Variants in LARGE1 observed in about 807,000 individuals in gnomAD.
The protein encoded by LARGE1 is xylosyl- and glucuronyltransferase LARGE1.
A neutral mutation model predicts 87.6 loss-of-function variants in LARGE1; 43 were observed. That is an observed-to-expected ratio of 0.49 (90% CI 0.38 to 0.63). The LOEUF (loss-of-function observed/expected upper bound fraction) is 0.63, where lower values mean the gene tolerates loss of function less well. Among genes scored for constraint, LARGE1 ranks in the 30% least tolerant of loss-of-function variants. The pLI is 0.00. For synonymous variants in LARGE1, 434 were observed against 394.6 expected (o/e 1.10, Z -1.18); for missense variants, 802 against 1,000.2 (o/e 0.80, Z 2.67).
intron 1 of LARGE1, among the ~76,000 whole-genome samples, chr22:33,832,780 T>A (rs1318139896): frequency 6.6e-6 from 1 of 152,230 alleles, no homozygotes; most frequent in Non-Finnish European, 1.5e-5. Flanking sequence ...CTCTGGCACA[T>A]GCTGTGTGGT....
intron 2 of LARGE1, chr22:33,743,904 G>A (rs2083981544): frequency 6.6e-6 from 1 of 152,196 alleles, no homozygotes; most frequent in South Asian, 2.1e-4. Flanking sequence ...CAAGGCTGTT[G>A]TGGAGATTCA....
chr22:33,286,985 G>A lies in LARGE1; in HGVS notation c.1731-3637C>T, dbSNP rs2267186. Among the ~76,000 whole-genome samples, 538 of 151,490 alleles carry A rather than the reference G, an allele frequency of 3.6e-3. 7 individuals carry two copies. The East Asian group carries it at 0.043, about 12-fold the overall frequency. On this transcript the variant is annotated intron_variant, in intron 12 of 14. Transcript: ENST00000397394. ...TAGGATTAGACACTTGACCCAGGCT[G>A]AGCACATCAGTTTCTTACTCTTGGA... is the stretch of plus-strand genomic sequence containing the variant.
intron 5 of LARGE1, chr22:33,572,182 G>A (rs1303125617): frequency 7.8e-6 from 10 of 1,286,250 alleles, no homozygotes; most frequent in Non-Finnish European, 1.0e-5. Context: ...AAATCACCTT[G>A]ACATATTTTA....
intron 9 of LARGE1, among the ~76,000 whole-genome samples, chr22:33,356,572 C>T (rs1421546612): frequency 1.3e-5 from 2 of 152,000 alleles, no homozygotes; most frequent in Admixed American, 6.6e-5. Context: ...AGGAGTTTGA[C>T]GCCAGCCTGG....
chr22:33,541,563 T>G (rs1024476616), intron 6 of LARGE1, among the ~76,000 whole-genome samples: 3 of 152,160 alleles, frequency 2.0e-5, no homozygotes, highest in Non-Finnish European at 4.4e-5. Context: ...AGTGGATCAG[T>G]CTGGAGAACC....
rs741981 is a variant in LARGE1 at position 33,290,423 on chromosome 22, G to A, written c.1731-7075C>T. Among the ~76,000 whole-genome samples, 158 of 152,240 alleles carry A rather than the reference G, an allele frequency of 1.0e-3. 3 individuals carry two copies. In the South Asian group the frequency reaches 0.027, roughly 26 times the overall value. ...TTAATCTCTTGGTTCTGCAATTTCC[G>A]TATCTGTAACATGGAATATCTATAA... On this transcript the variant is annotated intron_variant, in intron 12 of 14. Transcript: ENST00000397394.
At chr22:33,768,460 A>ACACG (rs2084972769) in intron 1 of LARGE1, among the ~76,000 whole-genome samples, 1 of 151,786 alleles carries the variant, frequency 6.6e-6, no homozygotes, top group South Asian at 2.1e-4. Context: ...ACACACACAC[A>ACACG]CACACAGTCT....
the LARGE1 span, among the ~76,000 whole-genome samples, chr22:33,091,559 C>CAAATAAATAAATAAATAAAT: frequency 4.0e-4 from 56 of 140,584 alleles, no homozygotes; most frequent in African/African-American, 9.2e-4. Flanking sequence ...GACTCCATCT[C>CAAATAAATAAATAAATAAAT]AAATAAATAA....
At position 33,531,000 on chromosome 22, in the gene LARGE1, C is replaced by A. The variant is rs548555560; in HGVS notation, c.787+33848G>T. Among the ~76,000 whole-genome samples the A allele has an allele frequency of 3.3e-5, 5 of 152,310 alleles. No individual in the cohort carries two copies. In the East Asian group the frequency reaches 9.6e-4, roughly 29 times the overall value. Reference sequence around the variant, plus strand: ...CAGGGCACTGATATCTGGTCTCACTCCTCATCTTCACACTAACAGATGTGA... The same window carrying A: ...CAGGGCACTGATATCTGGTCTCACTACTCATCTTCACACTAACAGATGTGA... On this transcript the variant is annotated intron_variant, in intron 6 of 14. Coordinates refer to ENST00000397394, the MANE Select transcript of LARGE1 (RefSeq NM_133642.5).
intron 5 of LARGE1, among the ~76,000 whole-genome samples, chr22:33,590,378 A>G (rs1371136184): frequency 6.6e-6 from 1 of 152,194 alleles, no homozygotes; most frequent in Non-Finnish European, 1.5e-5. Flanking sequence ...TTGATGTTTG[A>G]TTTTACTTCT....
At chr22:33,466,594 A>T (rs2068621280) in intron 6 of LARGE1, among the ~76,000 whole-genome samples, 2 of 151,868 alleles carry the variant, frequency 1.3e-5, no homozygotes, top group Non-Finnish European at 2.9e-5. Flanking sequence ...TAATACCCCT[A>T]CATAAATCAA....
chr22:33,867,025 C>G (rs916476839), intron 1 of LARGE1, among the ~76,000 whole-genome samples: 1 of 152,104 alleles, frequency 6.6e-6, no homozygotes, highest in Admixed American at 6.5e-5. Context: ...ACAAAGCTAC[C>G]CACAAAGGTG....
chr22:33,250,553 T>C (rs907490597), intron 11 of LARGE1, among the ~76,000 whole-genome samples: 3 of 152,224 alleles, frequency 2.0e-5, no homozygotes, highest in Non-Finnish European at 4.4e-5. Context: ...GCCAGTATGA[T>C]GCTGAAAAGT....
chr22:33,379,685 G>A (rs1262636582), intron 9 of LARGE1, among the ~76,000 whole-genome samples: 1 of 152,076 alleles, frequency 6.6e-6, no homozygotes, highest in Non-Finnish European at 1.5e-5. Flanking sequence ...CCATCATTCT[G>A]AGCAAACAAT....
chr22:33,309,770 T>C (rs186965250), intron 11 of LARGE1, among the ~76,000 whole-genome samples: 76 of 152,278 alleles, frequency 5.0e-4, no homozygotes, highest in African/African-American at 1.6e-3. Flanking sequence ...GGGCTCAGCA[T>C]GTTCGAGCAG....
intron 1 of LARGE1, among the ~76,000 whole-genome samples, chr22:33,893,953 G>A (rs1222610900): frequency 6.6e-6 from 1 of 152,170 alleles, no homozygotes; most frequent in East Asian, 1.9e-4. Flanking sequence ...AGGCACTGAA[G>A]ATGCAGGAAA....
Position 33,626,253 on chromosome 22 carries a change from A to G in LARGE1, c.482T>C (p.Leu161Pro). 2 of 1,613,964 alleles carry G rather than the reference A, an allele frequency of 1.2e-6. No individual in the cohort carries two copies. Among genetic ancestry groups the G allele is most frequent in the South Asian group, 1.1e-5 (1 of 91,076 alleles). ...RDVVTLVKSV[L>P]FHRRNPLHFH... ...CAGAAGTTGTTCTTACCTATGGAAC[A>G]GGACGGATTTGACCAGGGTGACGAC... is the stretch of plus-strand genomic sequence containing the variant. Residue 161 changes from leucine (L) to proline (P), a missense_variant, in exon 4 of 15, where the codon CTG becomes CCG. Physicochemically the swap from Leu to Pro is moderately conservative, Grantham distance 98. Transcript: ENST00000397394.
At chr22:33,122,876 G>A in the LARGE1 span, among the ~76,000 whole-genome samples, 3 of 152,224 alleles carry the variant, frequency 2.0e-5, no homozygotes, top group Non-Finnish European at 2.9e-5. Context: ...CTGCTGATAC[G>A]GACACAGGTT....
intron 6 of LARGE1, among the ~76,000 whole-genome samples, chr22:33,533,390 T>C (rs539416711): frequency 6.6e-6 from 1 of 152,320 alleles, no homozygotes; most frequent in Admixed American, 6.5e-5. Flanking sequence ...ACCTTCCTTT[T>C]TTCAATTAGC....
Sources: allele counts gnomAD v4.1 joint callset (sites outside exome capture counted in the v4.1 genomes callset), GRCh38; gene constraint gnomAD v4.1.1; transcripts MANE v1.5; gene names NCBI Gene and HGNC (gene_info 2026-07-23, HGNC 2026-07-21).